The following SPIC variants were observed in gnomAD, a reference collection of about 807,000 sequenced individuals.
SPIC encodes transcription factor Spi-C.
Under a neutral mutation model 16.7 loss-of-function variants are expected in SPIC, and 9 were observed. That is an observed-to-expected ratio of 0.54 (90% CI 0.33 to 0.94). The LOEUF (loss-of-function observed/expected upper bound fraction) is 0.94. Among genes scored for constraint, SPIC ranks in the 40% least tolerant of loss-of-function variants. The probability of loss-of-function intolerance (pLI) is 0.03; values close to 1 mark genes in which losing one functional copy is unlikely to be tolerated. For synonymous variants in SPIC, 97 were observed against 102.9 expected, an observed-to-expected ratio of 0.94 and a Z score of 0.35; for missense variants, 241 against 285.8, an observed-to-expected ratio of 0.84 and a Z score of 1.13.
Position 101,482,700 on chromosome 12 carries a change from T to C in SPIC, c.211-92T>C, listed in dbSNP as rs368569050. On this transcript the variant is annotated intron_variant, in intron 4 of 5. Coordinates refer to ENST00000551346, the MANE Select transcript of SPIC (RefSeq NM_152323.3). The stretch of plus-strand genomic sequence containing the variant: ...TTCCTTTTGCAATCTGGGAGACGCT[T>C]AGCCTCTTTTTCCCCTAACTTTTGA... The C allele has an allele frequency of 2.7e-5, 33 of 1,222,340 alleles. 1 individual carries two copies. The African/African-American group carries it at 3.9e-4, about 15-fold the overall frequency. The allele number at this position is 1,222,340 out of a possible 1,614,324, so 75.7% of individuals were successfully genotyped here.
At chr12:101,476,391 G>A (rs989899581) in intron 1 of SPIC, among the ~76,000 whole-genome samples, 1 of 152,072 alleles carries the variant, frequency 6.6e-6, no homozygotes, top group Non-Finnish European at 1.5e-5. Flanking sequence ...TTTCATGGGA[G>A]GAAAAGGATG....
chr12:101,483,428 A>C (rs1166977090), intron 5 of SPIC, among the ~76,000 whole-genome samples: 2 of 152,078 alleles, frequency 1.3e-5, no homozygotes, highest in Non-Finnish European at 2.9e-5. Context: ...TACCTGTTGA[A>C]GAACCTGCCT....
intron 5 of SPIC, among the ~76,000 whole-genome samples, chr12:101,484,838 A>C (rs1001647142): frequency 6.6e-6 from 1 of 151,860 alleles, no homozygotes; most frequent in African/African-American, 2.4e-5. Context: ...ACTACACTCC[A>C]GCCTGGGCGA....
chr12:101,480,262 G>A (rs1455716763), intron 4 of SPIC, among the ~76,000 whole-genome samples: 1 of 152,188 alleles, frequency 6.6e-6, no homozygotes, highest in Non-Finnish European at 1.5e-5. Flanking sequence ...AAAAGGAGGT[G>A]TTTTCAGGAT....
rs144163849 is a variant in SPIC at position 101,480,423 on chromosome 12, T to C, written c.210+729T>C. 6.7e-3 allele frequency among the ~76,000 whole-genome samples: 1,024 copies of C among 152,352 alleles called. 35 individuals carry two copies. The highest frequency in any genetic ancestry group is 0.06 in the Admixed American group (915 of 15,304). On this transcript the variant is annotated intron_variant, in intron 4 of 5. Coordinates refer to ENST00000551346, the MANE Select transcript of SPIC (RefSeq NM_152323.3). ...CTGTTTTCCTTCTCAAACTCAGTGTTATCTGCATGTATTGGACCAATTCAT... is the reference window on the plus strand; with the variant it reads ...CTGTTTTCCTTCTCAAACTCAGTGTCATCTGCATGTATTGGACCAATTCAT...
chr12:101,477,127 T>C (rs1260414074), intron 2 of SPIC, among the ~76,000 whole-genome samples: 3 of 152,238 alleles, frequency 2.0e-5, no homozygotes, highest in African/African-American at 2.4e-5. Context: ...TTCTGTTTCA[T>C]TGAAGATATT....
chr12:101,478,103 C>G (rs1873019126), intron 3 of SPIC, among the ~76,000 whole-genome samples: 1 of 148,068 alleles, frequency 6.8e-6, no homozygotes, highest in South Asian at 2.1e-4. Context: ...GCGATCTCGG[C>G]TCACTGCAAG....
intron 4 of SPIC, among the ~76,000 whole-genome samples, chr12:101,480,220 C>T (rs890103380): frequency 1.8e-4 from 27 of 152,220 alleles, no homozygotes; most frequent in African/African-American, 6.3e-4. Flanking sequence ...TTGCTCTCTA[C>T]TTAGCCTCAG....
At chr12:101,486,297 C>T (rs764526849) in intron 5 of SPIC, 47 bp from the exon 6 acceptor site, 10 of 1,543,294 alleles carry the variant, frequency 6.5e-6, no homozygotes, top group East Asian at 4.5e-5. Flanking sequence ...AGGATGTTCT[C>T]GGTTTACAGC....
chr12:101,480,806 G>A (rs1265875927), intron 4 of SPIC, among the ~76,000 whole-genome samples: 1 of 152,134 alleles, frequency 6.6e-6, no homozygotes, highest in African/African-American at 2.4e-5. Flanking sequence ...GGGCAACAGA[G>A]CAAGACCCTG....
intron 4 of SPIC, among the ~76,000 whole-genome samples, chr12:101,482,204 C>T (rs1039756914): frequency 3.9e-4 from 58 of 150,208 alleles, no homozygotes; most frequent in African/African-American, 1.4e-3. Context: ...TGCACTCCAG[C>T]CTAGGCAACA....
rs1235434683 is a variant in SPIC, at chr12:101,486,655, A to G, written c.631A>G (p.Ile211Val). The G allele has an allele frequency of 6.2e-7, 1 of 1,613,980 alleles. No individual in the cohort carries two copies. The highest frequency in any genetic ancestry group is 1.7e-5 in the Admixed American group (1 of 60,014). Residue 211 changes from isoleucine (I) to valine (V), a missense_variant, in exon 6 of 6, where the codon ATC (isoleucine) becomes GTC (valine). Transcript: ENST00000551346. ...LSPSYFLGKE[I>V]FYSQCVQPDQ... ...TCCATCCTATTTCCTGGGGAAAGAG[A>G]TCTTCTATTCACAGTGTGTTCAACC...
chr12:101,483,031 T>C (rs1873256677), intron 5 of SPIC, 131 bp downstream of exon 5: 1 of 719,432 alleles, frequency 1.4e-6, no homozygotes, highest in East Asian at 2.7e-5. Context: ...GAGAGTAATT[T>C]AACTCTGACT....
At chr12:101,479,818 C>CTTTTT (rs35835395) in intron 4 of SPIC, 124 bp downstream of exon 4, 11 of 363,396 alleles carry the variant, frequency 3.0e-5, no homozygotes, top group African/African-American at 4.8e-5. Flanking sequence ...TTTTTTCTTT[C>CTTTTT]TTTTTTTTTT....
In SPIC at chr12:101,486,205, G is replaced by C. The variant is rs796317013; in HGVS notation, c.320-139G>C. The C allele has an allele frequency of 4.1e-6, 3 of 738,416 alleles. No homozygotes were observed. The South Asian group carries it at 5.7e-5, about 14-fold the overall frequency. 45.7% of individuals were successfully genotyped at this position (738,416 alleles called of 1,614,324 possible). A position where few individuals can be genotyped will look rare whatever the true frequency, so the allele number is the denominator to read the frequency against. On this transcript the variant is annotated intron_variant, in intron 5 of 5. Transcript: ENST00000551346. ...GAATCCCATAAAATGATGCCATCAT[G>C]CATTCGTAAGGGCAGTGAGTGGGAG... is the stretch of plus-strand genomic sequence containing the variant.
In SPIC at chr12:101,486,469, A is replaced by C. The variant is rs748023855; in HGVS notation, c.445A>C (p.Lys149Gln). The change falls in exon 6 of 6, where the codon AAA becomes CAA. Residue 149 changes from lysine (K) to glutamine (Q), a missense_variant. By Grantham distance (53) the Lys-to-Gln change is moderately conservative (BLOSUM62 1). Transcript: ENST00000551346. ...IFQFVSKNKEKLAELWGKRKG... is the reference protein window; with the variant it reads ...IFQFVSKNKEQLAELWGKRKG... ...TCAGTTTGTATCAAAAAACAAAGAA[A>C]AACTTGCCGAGCTTTGGGGGAAAAG... 1 of 1,614,208 alleles carries C rather than the reference A, an allele frequency of 6.2e-7. No individual in the cohort carries two copies. Among genetic ancestry groups the C allele is most frequent in the Admixed American group, 1.7e-5 (1 of 60,014 alleles).
At position 101,477,559 on chromosome 12, in the gene SPIC, CGT is replaced by C. The variant is rs1872994515; in HGVS notation, c.10_11del (p.Val4Ter). On this transcript the variant is annotated frameshift_variant and splice_region_variant, in exon 3 of 6. Coordinates refer to ENST00000551346, the MANE Select transcript of SPIC (RefSeq NM_152323.3). LOFTEE classifies it high-confidence loss of function. ...AGAATTCTATCATTGTTCCAACAGA[CGT>C]GTGTTGAACAAGACAAGCTGGGTCA... is the stretch of plus-strand genomic sequence containing the variant. The C allele has an allele frequency of 6.2e-7, 1 of 1,613,544 alleles. No homozygotes were observed.
chr12:101,479,266 G>GAA lies in SPIC; in HGVS notation c.98-314_98-313dup, dbSNP rs1565831240. The stretch of plus-strand genomic sequence containing the variant: ...AAAAAGAAAGAAAGAAGGAAGGAAA[G>GAA]AAAGAAAGAAAGAAAGAAAAAGAAA... On this transcript the variant is annotated intron_variant, in intron 3 of 5. Coordinates refer to ENST00000551346, the MANE Select transcript of SPIC (RefSeq NM_152323.3). 5.3e-3 allele frequency among the ~76,000 whole-genome samples: 332 copies of GAA among 62,680 alleles called. 27 individuals carry two copies. The highest frequency in any genetic ancestry group is 0.017 in the Middle Eastern group (2 of 120). 41.1% of individuals were successfully genotyped at this position (62,680 alleles called of 152,430 possible). A position where few individuals can be genotyped will look rare whatever the true frequency, so the allele number is the denominator to read the frequency against.
chr12:101,481,743 A>G (rs1341992873), intron 4 of SPIC, among the ~76,000 whole-genome samples: 1 of 150,386 alleles, frequency 6.6e-6, no homozygotes, highest in Admixed American at 6.6e-5. Context: ...CAAACACCTG[A>G]CCTCAGGTGA....
Sources: allele counts gnomAD v4.1 joint callset (sites outside exome capture counted in the v4.1 genomes callset), GRCh38; gene constraint gnomAD v4.1.1; transcripts MANE v1.5; gene names NCBI Gene and HGNC (gene_info 2026-07-23, HGNC 2026-07-21).